The following DOCK5 variants were observed in gnomAD, a reference collection of about 807,000 sequenced individuals.
DOCK5 encodes dedicator of cytokinesis protein 5.
DOCK5 carries 142 observed loss-of-function variants against 251.8 expected under a neutral mutation model. The ratio of observed to expected loss-of-function variants is 0.56; its 90% CI spans 0.49 to 0.65. The LOEUF (loss-of-function observed/expected upper bound fraction) is 0.65, where lower values mean the gene tolerates loss of function less well. DOCK5 is among the 30% of genes least tolerant of loss of function. The probability of loss-of-function intolerance (pLI) is 0.00; values close to 1 mark genes in which losing one functional copy is unlikely to be tolerated. For synonymous variants in DOCK5, 842 were observed against 835.5 expected, an observed-to-expected ratio of 1.01 and a Z score of -0.13; for missense variants, 2,111 against 2,312.3, an observed-to-expected ratio of 0.91 and a Z score of 1.79.
intron 5 of DOCK5, among the ~76,000 whole-genome samples, chr8:25,281,488 T>A (rs946725009): frequency 2.0e-5 from 3 of 151,700 alleles, no homozygotes. Context: ...ACTCATGTAT[T>A]TTGGCTGCCA....
At chr8:25,191,358 C>T (rs11135853) in intron 1 of DOCK5, among the ~76,000 whole-genome samples, 10,647 of 152,172 alleles carry the variant, frequency 0.07, 514 homozygotes, top group African/African-American at 0.12. Flanking sequence ...AAAGAGACTT[C>T]CAAATATGCA....
chr8:25,294,222 C>T (rs1218890892), intron 6 of DOCK5, among the ~76,000 whole-genome samples: 1 of 152,174 alleles, frequency 6.6e-6, no homozygotes, highest in Non-Finnish European at 1.5e-5. Context: ...TGTGTCAGTG[C>T]CTTCCTGATC....
chr8:25,345,270 A>G, intron 25 of DOCK5: 1 of 384,192 alleles, frequency 2.6e-6, no homozygotes, highest in Non-Finnish European at 4.5e-6. Flanking sequence ...TTTTTTTTTA[A>G]TTCATTCATC....
chr8:25,269,350 A>G (rs1803845070), intron 3 of DOCK5, among the ~76,000 whole-genome samples: 1 of 152,228 alleles, frequency 6.6e-6, no homozygotes, highest in Non-Finnish European at 1.5e-5. Context: ...CCAATAATAC[A>G]TTATGAAATC....
intron 18 of DOCK5, among the ~76,000 whole-genome samples, chr8:25,329,353 T>C (rs781686358): frequency 2.0e-5 from 3 of 152,204 alleles, no homozygotes; most frequent in Non-Finnish European, 4.4e-5. Context: ...AACTTTTGCA[T>C]GCCACCTTAC....
At position 25,296,414 on chromosome 8, in the gene DOCK5, C is replaced by T. The variant is rs193230791; in HGVS notation, c.471-99C>T. 4 of 1,464,622 alleles carry T rather than the reference C, an allele frequency of 2.7e-6. No homozygotes were observed. In the African/African-American group the frequency reaches 4.2e-5, roughly 16 times the overall value. The allele number at this position is 1,464,622 out of a possible 1,614,324, so 90.7% of individuals were successfully genotyped here. A position where few individuals can be genotyped will look rare whatever the true frequency, so the allele number is the denominator to read the frequency against. On this transcript the variant is annotated intron_variant, in intron 6 of 51. Transcript: ENST00000276440. Reference sequence around the variant, plus strand: ...TTCCCTGGGCTTGTCCAGCATCTCCCTTTCTAACTATGGATCCTCTGGGCT... The same window carrying T: ...TTCCCTGGGCTTGTCCAGCATCTCCTTTTCTAACTATGGATCCTCTGGGCT...
At chr8:25,268,445 G>C (rs1803821540) in intron 2 of DOCK5, among the ~76,000 whole-genome samples, 1 of 152,020 alleles carries the variant, frequency 6.6e-6, no homozygotes, top group Non-Finnish European at 1.5e-5. Context: ...TATTTTAATA[G>C]TATAAGGTGA....
intron 22 of DOCK5, among the ~76,000 whole-genome samples, chr8:25,340,087 G>T (rs1805916008): frequency 6.6e-6 from 1 of 152,158 alleles, no homozygotes; most frequent in South Asian, 2.1e-4. Flanking sequence ...TAGGTTCGAG[G>T]TGATGCTGTT....
chr8:25,244,337 A>G (rs1416654884), intron 2 of DOCK5, among the ~76,000 whole-genome samples: 2 of 152,194 alleles, frequency 1.3e-5, no homozygotes, highest in African/African-American at 4.8e-5. Context: ...TCTGCCAAGC[A>G]TTGGTCATGT....
chr8:25,318,396 CT>C (rs1805319869), intron 14 of DOCK5, among the ~76,000 whole-genome samples: 1 of 151,934 alleles, frequency 6.6e-6, no homozygotes, highest in East Asian at 1.9e-4. Flanking sequence ...GCCTGCTTTG[CT>C]TTGCTTTACT....
rs781084183 is a variant in DOCK5 at position 25,408,172 on chromosome 8, A to G, written c.5265+18A>G. Reference sequence around the variant, plus strand: ...ATTTGATGGTAAAAAACAGAAAAGAAAAAAAGAAATCTCTGGAGGCTTGCC... The same window carrying G: ...ATTTGATGGTAAAAAACAGAAAAGAGAAAAAGAAATCTCTGGAGGCTTGCC... On this transcript the variant is annotated intron_variant, in intron 49 of 51. Coordinates refer to ENST00000276440, the MANE Select transcript of DOCK5 (RefSeq NM_024940.8). 6 of 1,554,988 alleles carry G rather than the reference A, an allele frequency of 3.9e-6. No homozygotes were observed. Among genetic ancestry groups the G allele is most frequent in the Non-Finnish European group, 5.2e-6 (6 of 1,150,720 alleles).
At chr8:25,187,260 C>CAT (rs1563299971) in intron 1 of DOCK5, among the ~76,000 whole-genome samples, 61 of 145,174 alleles carry the variant, frequency 4.2e-4, no homozygotes, top group African/African-American at 1.5e-3. Context: ...CACACACACA[C>CAT]GTATACACAC....
At chr8:25,329,467 T>A (rs1289341938) in intron 18 of DOCK5, among the ~76,000 whole-genome samples, 3 of 152,192 alleles carry the variant, frequency 2.0e-5, no homozygotes, top group African/African-American at 7.2e-5. Flanking sequence ...AGTTAATAAT[T>A]GAACTGTCTA....
At chr8:25,262,605 C>T (rs553493738) in intron 2 of DOCK5, among the ~76,000 whole-genome samples, 4 of 152,176 alleles carry the variant, frequency 2.6e-5, no homozygotes, top group African/African-American at 4.8e-5. Flanking sequence ...AGGTTTATAA[C>T]GAAAAACAGG....
chr8:25,264,377 AAAC>A (rs1374316266), intron 2 of DOCK5, among the ~76,000 whole-genome samples: 1 of 151,452 alleles, frequency 6.6e-6, no homozygotes, highest in Admixed American at 6.6e-5. Context: ...CACAAGAAAA[AAAC>A]AACAAAAAAA....
intron 3 of DOCK5, among the ~76,000 whole-genome samples, chr8:25,274,376 T>C (rs1244154196): frequency 6.6e-6 from 1 of 152,220 alleles, no homozygotes; most frequent in Non-Finnish European, 1.5e-5. Flanking sequence ...TAAGATACCA[T>C]GAAACAGATC....
chr8:25,381,873 A>G (rs1313772377), intron 39 of DOCK5, among the ~76,000 whole-genome samples: 1 of 152,114 alleles, frequency 6.6e-6, no homozygotes, highest in Non-Finnish European at 1.5e-5. Flanking sequence ...TCATCTTGTG[A>G]AGAATTAAAG....
chr8:25,375,319 C>G (rs931147287), intron 37 of DOCK5: 14 of 156,168 alleles, frequency 9.0e-5, no homozygotes, highest in African/African-American at 2.7e-4. Context: ...CTCTTTTACT[C>G]ACCACCTCCC....
chr8:25,374,697 T>G, intron 37 of DOCK5, 43 bp downstream of exon 37: 1 of 1,613,572 alleles, frequency 6.2e-7, no homozygotes, highest in Non-Finnish European at 8.5e-7. Context: ...TGGAGTACAG[T>G]GTCCTTTCAG....
Sources: gnomAD v4.1 joint callset for allele counts (sites outside exome capture counted in the v4.1 genomes callset) on GRCh38, gnomAD v4.1.1 for gene constraint, MANE v1.5 for transcripts, NCBI Gene and HGNC (gene_info 2026-07-23, HGNC 2026-07-21) for gene names.